The following EYS variants were observed in gnomAD, a reference collection of about 807,000 sequenced individuals.
EYS encodes protein eyes shut homolog.
Under a neutral mutation model 282.1 loss-of-function variants are expected in EYS, and 250 were observed. The observed-to-expected ratio is 0.89, with a 90% CI of 0.80 to 0.98. The LOEUF (loss-of-function observed/expected upper bound fraction) is 0.98. EYS is among the 50% of genes least tolerant of loss of function. EYS has a pLI of 0.00. For synonymous variants in EYS, 1,355 were observed against 1,282.9 expected (o/e 1.06, Z -1.20); for missense variants, 4,016 against 3,709.0 (o/e 1.08, Z -2.15).
chr6:63,922,480 G>A (rs1764600162), intron 35 of EYS, among the ~76,000 whole-genome samples: 1 of 152,064 alleles, frequency 6.6e-6, no homozygotes, highest in Non-Finnish European at 1.5e-5. Flanking sequence ...GGAGAATCAT[G>A]TGAACCTGGG....
intron 12 of EYS, among the ~76,000 whole-genome samples, chr6:65,292,141 A>G (rs1042220058): frequency 1.3e-5 from 2 of 151,826 alleles, no homozygotes. Context: ...CCATAAATAC[A>G]AGCAACGGGC....
intron 19 of EYS, among the ~76,000 whole-genome samples, chr6:64,860,630 C>T (rs1279724170): frequency 6.6e-6 from 1 of 152,224 alleles, no homozygotes; most frequent in Admixed American, 6.5e-5. Flanking sequence ...TAGGTCCGGG[C>T]TCCCTGAAGG....
chr6:64,816,405 T>C (rs1226160508), intron 21 of EYS, among the ~76,000 whole-genome samples: 1 of 152,104 alleles, frequency 6.6e-6, no homozygotes, highest in Non-Finnish European at 1.5e-5. Flanking sequence ...AACTACGGAA[T>C]CTGTAGCATT....
At chr6:64,376,333 A>C (rs1772560208) in intron 29 of EYS, among the ~76,000 whole-genome samples, 1 of 152,168 alleles carries the variant, frequency 6.6e-6, no homozygotes, top group Non-Finnish European at 1.5e-5. Context: ...AACTCACACT[A>C]AAGATACAGA....
At position 65,582,223 on chromosome 6, in the gene EYS, A is replaced by AAATG. The variant is rs1364595818; in HGVS notation, c.-333+57554_-333+57555insCATT. ...CAAATAAATAAATAAATAAATAAAT[A>AAATG]AATAAATAAAAGCTTTCTGAGAACA... On this transcript the variant is annotated intron_variant, in intron 2 of 42. Transcript: ENST00000503581. 2.6e-5 allele frequency among the ~76,000 whole-genome samples: 4 copies of AAATG among 151,310 alleles called. 1 individual carries two copies. The highest frequency in any genetic ancestry group is 9.7e-5 in the African/African-American group (4 of 41,232).
At chr6:64,251,799 G>A (rs565109780) in intron 30 of EYS, among the ~76,000 whole-genome samples, 1 of 152,146 alleles carries the variant, frequency 6.6e-6, no homozygotes, top group East Asian at 1.9e-4. Context: ...CTCTTGAAGA[G>A]GTTAATGAGA....
chr6:65,484,834 G>T (rs1765731769), intron 5 of EYS, among the ~76,000 whole-genome samples: 1 of 152,198 alleles, frequency 6.6e-6, no homozygotes, highest in African/African-American at 2.4e-5. Context: ...AACTATAGCT[G>T]TGAGCTGAAT....
At chr6:65,702,300 C>T (rs1472635454) in intron 1 of EYS, among the ~76,000 whole-genome samples, 1 of 152,066 alleles carries the variant, frequency 6.6e-6, no homozygotes, top group Non-Finnish European at 1.5e-5. Flanking sequence ...TTATGAACAA[C>T]AAAAAAGCTC....
chr6:64,291,705 A>C (rs1000596278), intron 30 of EYS, among the ~76,000 whole-genome samples: 1 of 152,048 alleles, frequency 6.6e-6, no homozygotes, highest in Non-Finnish European at 1.5e-5. Flanking sequence ...CTCTGCTCTT[A>C]AGTGTCTTTG....
Position 64,981,581 on chromosome 6 carries a change from G to A in EYS, c.2259+16001C>T, listed in dbSNP as rs1344824089. Among the ~76,000 whole-genome samples, 21 of 151,186 alleles carry A rather than the reference G, an allele frequency of 1.4e-4. No homozygotes were observed. The South Asian group carries it at 2.5e-3, about 18-fold the overall frequency. ...ATTTTATCATATTGGTCAGGTAACC[G>A]AAGCATAGAAAGATGACATAATTTC... On this transcript the variant is annotated intron_variant, in intron 14 of 42. Coordinates refer to ENST00000503581, the MANE Select transcript of EYS (RefSeq NM_001142800.2).
chr6:64,013,278 G>C (rs1429321858), intron 33 of EYS, among the ~76,000 whole-genome samples: 1 of 152,050 alleles, frequency 6.6e-6, no homozygotes, highest in African/African-American at 2.4e-5. Context: ...TCCAATTCAC[G>C]TGCAATGGGA....
chr6:64,312,761 C>G (rs550749807), intron 29 of EYS, among the ~76,000 whole-genome samples: 99 of 152,286 alleles, frequency 6.5e-4, no homozygotes, highest in African/African-American at 2.3e-3. Flanking sequence ...GGACCTCCAG[C>G]AAACTCCAGC....
intron 12 of EYS, among the ~76,000 whole-genome samples, chr6:65,142,196 T>C (rs1436983068): frequency 2.0e-5 from 3 of 152,146 alleles, no homozygotes; most frequent in South Asian, 2.1e-4. Context: ...CCCTCAAATA[T>C]ACACAAGAAC....
chr6:64,183,691 C>T (rs1390749448), intron 31 of EYS, among the ~76,000 whole-genome samples: 1 of 152,108 alleles, frequency 6.6e-6, no homozygotes, highest in Non-Finnish European at 1.5e-5. Context: ...ACACTTCTTT[C>T]TTAACTAAAG....
chr6:65,065,191 A>C (rs1222526819), intron 12 of EYS, among the ~76,000 whole-genome samples: 2 of 152,126 alleles, frequency 1.3e-5, no homozygotes, highest in African/African-American at 4.8e-5. Context: ...ATTTGGGGTG[A>C]CATAATAAAA....
chr6:64,750,080 T>G (rs988493954), intron 22 of EYS, among the ~76,000 whole-genome samples: 6 of 152,092 alleles, frequency 3.9e-5, no homozygotes, highest in African/African-American at 1.4e-4. Flanking sequence ...CTTGGTTTAT[T>G]TTGGAAAACT....
chr6:64,887,616 TC>T (rs1767139367), intron 18 of EYS, among the ~76,000 whole-genome samples: 1 of 152,036 alleles, frequency 6.6e-6, no homozygotes, highest in African/African-American at 2.4e-5. Context: ...AGGAAACTCT[TC>T]CTAATTAACT....
chr6:63,856,974 G>A (rs752478977), intron 36 of EYS, among the ~76,000 whole-genome samples: 4 of 152,058 alleles, frequency 2.6e-5, no homozygotes, highest in African/African-American at 4.8e-5. Flanking sequence ...CTTATATCAC[G>A]ATTAGATTTA....
chr6:64,358,937 T>A (rs1243130443), intron 29 of EYS, among the ~76,000 whole-genome samples: 1 of 151,694 alleles, frequency 6.6e-6, no homozygotes, highest in African/African-American at 2.4e-5. Context: ...AATTTATGCA[T>A]GGGTTTCCCT....
Sources: allele counts gnomAD v4.1 joint callset (sites outside exome capture counted in the v4.1 genomes callset), GRCh38; gene constraint gnomAD v4.1.1; transcripts MANE v1.5; gene names NCBI Gene and HGNC (gene_info 2026-07-23, HGNC 2026-07-21).